FARP1: variants seen among roughly 807,000 people sequenced by gnomAD.
FARP1 encodes the protein FERM, ARH/RhoGEF and pleckstrin domain protein 1.
FARP1 carries 52 observed loss-of-function variants against 128.8 expected under a neutral mutation model. The observed-to-expected ratio is 0.40, with a 90% CI of 0.32 to 0.51. The LOEUF is 0.51. FARP1 is among the 20% of genes least tolerant of loss of function. The probability of loss-of-function intolerance (pLI) is 0.45; values close to 1 mark genes in which losing one functional copy is unlikely to be tolerated. For synonymous variants in FARP1, 580 were observed against 551.8 expected (o/e 1.05, Z -0.72); for missense variants, 1,333 against 1,367.9 (o/e 0.97, Z 0.40).
At chr13:98,397,082 G>A (rs1190655248) in intron 13 of FARP1, 3 of 152,188 alleles carry the variant, frequency 2.0e-5, no homozygotes, top group African/African-American at 7.2e-5. Context: ...AGAATTTGGG[G>A]TTATTTCTGC....
chr13:98,356,833 C>T (rs1888665337), intron 3 of FARP1, among the ~76,000 whole-genome samples: 1 of 151,942 alleles, frequency 6.6e-6, no homozygotes, highest in Admixed American at 6.6e-5. Flanking sequence ...CAGAGTTTCA[C>T]CATGTTGGCC....
intron 1 of FARP1, among the ~76,000 whole-genome samples, chr13:98,205,434 C>T (rs1880209227): frequency 6.6e-6 from 1 of 151,952 alleles, no homozygotes; most frequent in Admixed American, 6.6e-5. Context: ...ACTCTGTCAC[C>T]CAGGCTGGAG....
intron 1 of FARP1, among the ~76,000 whole-genome samples, chr13:98,145,559 T>TGGA (rs11282280): frequency 1.3e-5 from 2 of 151,932 alleles, no homozygotes; most frequent in South Asian, 2.1e-4. Context: ...CGTTTTTGTT[T>TGGA]CACTTTTCGT....
intron 3 of FARP1, among the ~76,000 whole-genome samples, chr13:98,356,809 A>G (rs898829603): frequency 6.6e-6 from 1 of 151,662 alleles, no homozygotes; most frequent in African/African-American, 2.4e-5. Context: ...TAATTTTTGT[A>G]TTTTTAGTAG....
At chr13:98,169,373 C>T (rs1877495693) in intron 1 of FARP1, among the ~76,000 whole-genome samples, 1 of 152,194 alleles carries the variant, frequency 6.6e-6, no homozygotes, top group African/African-American at 2.4e-5. Flanking sequence ...AGAACACATA[C>T]ACCCGTAGCT....
chr13:98,440,475 G>A (rs1892478661), intron 23 of FARP1, among the ~76,000 whole-genome samples, 195 bp from the exon 24 acceptor site: 1 of 152,128 alleles, frequency 6.6e-6, no homozygotes, highest in South Asian at 2.1e-4. Context: ...AGAACATCAG[G>A]CTGTTTACAC....
At position 98,453,260 on chromosome 13, in the gene FARP1, G is replaced by A. The variant is rs1893286259; in HGVS notation, c.*4943G>A. The A allele has an allele frequency of 1.9e-6, 3 of 1,576,400 alleles. No individual in the cohort carries two copies. The highest frequency in any genetic ancestry group is 1.9e-5 in the Admixed American group (1 of 53,680). On this transcript the variant is annotated 3_prime_UTR_variant, in exon 27 of 27. Transcript: ENST00000319562. ...TCAACACATGTCATTTCTCATCCCT[G>A]TGCAAAAATTCATATAGTAACCAAA... is the stretch of plus-strand genomic sequence containing the variant.
In FARP1 at chr13:98,395,396, C is replaced by T. The variant is rs762560578; in HGVS notation, c.1334C>T (p.Ser445Leu). Reference protein sequence around the residue: ...AGNKQADGAASAPTEEEEEVV... With the variant: ...AGNKQADGAALAPTEEEEEVV... Reference sequence around the variant, plus strand: ...AACAAGCAGGCGGACGGAGCCGCCTCGGCGCCCACGGAGGAAGAGGAGGAG... The same window carrying T: ...AACAAGCAGGCGGACGGAGCCGCCTTGGCGCCCACGGAGGAAGAGGAGGAG... Residue 445 changes from serine (S) to leucine (L), a missense_variant, in exon 13 of 27, where the codon TCG becomes TTG. Around this residue, in one of 2 missense-constraint regions of FARP1, gnomAD observed 1,009 missense variants for 969.8 expected, o/e 1.04. Transcript: ENST00000319562. The T allele has an allele frequency of 5.6e-6, 9 of 1,611,540 alleles. No homozygotes were observed. In the Admixed American group the frequency reaches 6.7e-5, roughly 12 times the overall value.
chr13:98,201,694 T>A (rs1360012385), intron 1 of FARP1, among the ~76,000 whole-genome samples: 1 of 152,136 alleles, frequency 6.6e-6, no homozygotes, highest in Non-Finnish European at 1.5e-5. Context: ...GATGAGAAAA[T>A]TTCTCTTTTG....
chr13:98,347,649 A>G (rs1888235714), intron 3 of FARP1, among the ~76,000 whole-genome samples: 1 of 152,176 alleles, frequency 6.6e-6, no homozygotes, highest in African/African-American at 2.4e-5. Flanking sequence ...ATGGATGGAC[A>G]CTTACATTGC....
At chr13:98,420,040 A>G (rs1162737551) in intron 16 of FARP1, among the ~76,000 whole-genome samples, 1 of 152,010 alleles carries the variant, frequency 6.6e-6, no homozygotes, top group African/African-American at 2.4e-5. Flanking sequence ...CTTCCAGAAA[A>G]CACGCCCTCT....
chr13:98,351,077 C>CCCCTG (rs1888401044), intron 3 of FARP1, among the ~76,000 whole-genome samples: 26 of 150,018 alleles, frequency 1.7e-4, no homozygotes, highest in South Asian at 4.2e-4. Context: ...AGCCTCGCCT[C>CCCCTG]CCCACAGAAG....
At chr13:98,181,631 T>TGAGAG (rs1490988641) in intron 1 of FARP1, among the ~76,000 whole-genome samples, 31 of 97,036 alleles carry the variant, frequency 3.2e-4, no homozygotes, top group African/African-American at 1.3e-3. Context: ...TTTATTTATT[T>TGAGAG]ATTTATTTAT....
At chr13:98,169,986 T>G (rs971773259) in intron 1 of FARP1, among the ~76,000 whole-genome samples, 1 of 152,200 alleles carries the variant, frequency 6.6e-6, no homozygotes, top group African/African-American at 2.4e-5. Flanking sequence ...ATGTTTTGCC[T>G]TACTTTCTAT....
chr13:98,389,023 G>A (rs1890205384), intron 9 of FARP1, among the ~76,000 whole-genome samples: 1 of 152,242 alleles, frequency 6.6e-6, no homozygotes, highest in Admixed American at 6.5e-5. Context: ...GCCAGAAATG[G>A]CGACGGAGGA....
chr13:98,252,567 C>A (rs1012092514), intron 2 of FARP1, among the ~76,000 whole-genome samples: 2 of 152,192 alleles, frequency 1.3e-5, no homozygotes, highest in Admixed American at 1.3e-4. Flanking sequence ...CTGGCTTGAC[C>A]CTCATGGATG....
chr13:98,404,026 C>CACT lies in FARP1; in HGVS notation c.1415-5310_1415-5309insTAC, dbSNP rs1555292297. On this transcript the variant is annotated intron_variant, in intron 13 of 26. Coordinates refer to ENST00000319562, the MANE Select transcript of FARP1 (RefSeq NM_005766.4). ...CCACCACCACCACCACCATCACCAC[C>CACT]ACCACTGCTACTACCAACATCACCA... 1.8e-3 allele frequency: 272 copies of CACT among 154,960 alleles called. 1 individual carries two copies. The highest frequency in any genetic ancestry group is 0.013 in the Middle Eastern group (4 of 302). 9.6% of individuals were successfully genotyped at this position (154,960 alleles called of 1,614,324 possible). A position where few individuals can be genotyped will look rare whatever the true frequency, so the allele number is the denominator to read the frequency against.
At chr13:98,369,112 A>G (rs1205322930) in intron 5 of FARP1, among the ~76,000 whole-genome samples, 2 of 151,926 alleles carry the variant, frequency 1.3e-5, no homozygotes, top group African/African-American at 4.8e-5. Flanking sequence ...TTTAGTAGAG[A>G]CAGCATTTCA....
chr13:98,376,807 A>G (rs1172571546), intron 5 of FARP1, among the ~76,000 whole-genome samples: 5 of 99,460 alleles, frequency 5.0e-5, no homozygotes, highest in Admixed American at 1.2e-4. Flanking sequence ...GTTACTGCCT[A>G]TCTTTTGGAT....
Sources: allele counts gnomAD v4.1 joint callset (sites outside exome capture counted in the v4.1 genomes callset), GRCh38; gene constraint gnomAD v4.1.1; regional missense constraint gnomAD v4.1.1; transcripts MANE v1.5; gene names NCBI Gene and HGNC (gene_info 2026-07-23, HGNC 2026-07-21).